FBXO16: variants seen among roughly 807,000 people sequenced by gnomAD.
FBXO16 encodes F-box only protein 16.
Under a neutral mutation model 41.0 loss-of-function variants are expected in FBXO16, and 31 were observed. The observed-to-expected ratio is 0.76, with a 90% CI of 0.57 to 1.02. The LOEUF is 1.02. FBXO16 is among the 50% of genes least tolerant of loss of function. FBXO16 has a pLI of 0.00. For synonymous variants in FBXO16, 133 were observed against 117.8 expected, an observed-to-expected ratio of 1.13 and a Z score of -0.84; for missense variants, 361 against 346.2, an observed-to-expected ratio of 1.04 and a Z score of -0.34.
chr8:28,458,544 C>CTTTTTTTTTTTTTTTT (rs34617439), intron 4 of FBXO16, among the ~76,000 whole-genome samples: 11 of 87,566 alleles, frequency 1.3e-4, no homozygotes, highest in African/African-American at 1.6e-4. Flanking sequence ...TCTTCTTCTT[C>CTTTTTTTTTTTTTTTT]TTTTTTTTTT....
chr8:28,477,592 C>T (rs544615579), intron 2 of FBXO16, among the ~76,000 whole-genome samples: 73 of 152,186 alleles, frequency 4.8e-4, no homozygotes, highest in African/African-American at 1.6e-3. Context: ...GTATAATATA[C>T]GATACATATT....
intron 3 of FBXO16, among the ~76,000 whole-genome samples, chr8:28,466,383 A>G (rs1226059424): frequency 6.6e-6 from 1 of 152,174 alleles, no homozygotes; most frequent in Non-Finnish European, 1.5e-5. Flanking sequence ...CCCTAAAATG[A>G]AAAAACAAAA....
chr8:28,468,848 GAAA>G (rs60077275), intron 3 of FBXO16, among the ~76,000 whole-genome samples: 2 of 133,032 alleles, frequency 1.5e-5, no homozygotes, highest in South Asian at 2.4e-4. Context: ...ACTCCATCTT[GAAA>G]AAAAAAAAAA....
At chr8:28,476,472 T>C (rs1563369500) in intron 2 of FBXO16, among the ~76,000 whole-genome samples, 2 of 152,248 alleles carry the variant, frequency 1.3e-5, no homozygotes, top group South Asian at 4.1e-4. Context: ...TTATACACCC[T>C]GGTTTGGAGC....
At chr8:28,476,382 G>A (rs1022009184) in intron 2 of FBXO16, among the ~76,000 whole-genome samples, 3 of 152,150 alleles carry the variant, frequency 2.0e-5, no homozygotes, top group Non-Finnish European at 4.4e-5. Context: ...CCTCAGATCT[G>A]GTTCTGACTC....
intron 1 of FBXO16, among the ~76,000 whole-genome samples, chr8:28,487,724 C>T (rs2130215297): frequency 6.6e-6 from 1 of 152,048 alleles, no homozygotes; most frequent in South Asian, 2.1e-4. Context: ...ACATACAAAA[C>T]ATAATTGTCC....
At chr8:28,436,588 ATAGG>A (rs1364253811) in intron 7 of FBXO16, among the ~76,000 whole-genome samples, 4 of 152,192 alleles carry the variant, frequency 2.6e-5, no homozygotes, top group African/African-American at 9.7e-5. Flanking sequence ...AGTAGGTGAA[ATAGG>A]TAGGGATGGT....
intron 5 of FBXO16, among the ~76,000 whole-genome samples, chr8:28,454,210 A>G (rs1173609340): frequency 6.6e-6 from 1 of 151,868 alleles, no homozygotes; most frequent in Admixed American, 6.6e-5. Context: ...AAGACATTTC[A>G]TATTTACATA....
chr8:28,449,493 AT>A (rs1802918622), intron 6 of FBXO16, among the ~76,000 whole-genome samples: 1 of 151,686 alleles, frequency 6.6e-6, no homozygotes, highest in Middle Eastern at 3.4e-3. Flanking sequence ...GGCTAATTTT[AT>A]TTTATTTTTA....
intron 2 of FBXO16, among the ~76,000 whole-genome samples, chr8:28,478,843 T>C (rs1281545249): frequency 2.9e-5 from 4 of 138,654 alleles, no homozygotes; most frequent in East Asian, 4.0e-4. Context: ...AAAAAAAAAA[T>C]TGTAATCCCC....
chr8:28,447,592 CAAG>C, intron 6 of FBXO16: 1 of 251,400 alleles, frequency 4.0e-6, no homozygotes. Context: ...CCATTCCTTT[CAAG>C]AAGAAGGTAT....
At position 28,474,352 on chromosome 8, in the gene FBXO16, A is replaced by AAG. The variant is rs1554528220; in HGVS notation, c.100-547_100-546dup. 5.4e-3 allele frequency among the ~76,000 whole-genome samples: 696 copies of AAG among 127,920 alleles called. 66 individuals carry two copies. The highest frequency in any genetic ancestry group is 7.0e-3 in the African/African-American group (233 of 33,060). 83.9% of individuals were successfully genotyped at this position (127,920 alleles called of 152,430 possible). The stretch of plus-strand genomic sequence containing the variant: ...AAAAAAAAAAAAAAAAAAAAAAAAA[A>AAG]AGAGAGAGAAAGAAGAAAAGAAAAA... On this transcript the variant is annotated intron_variant, in intron 2 of 8. Coordinates refer to ENST00000380254, the MANE Select transcript of FBXO16 (RefSeq NM_172366.4).
intron 7 of FBXO16, among the ~76,000 whole-genome samples, chr8:28,439,831 T>C (rs1189674251): frequency 6.9e-6 from 1 of 145,862 alleles, no homozygotes; most frequent in African/African-American, 2.6e-5. Context: ...TATCAAAGAT[T>C]GCCTGCAAGG....
At chr8:28,440,592 A>T (rs1029622600) in intron 7 of FBXO16, among the ~76,000 whole-genome samples, 1 of 152,166 alleles carries the variant, frequency 6.6e-6, no homozygotes, top group East Asian at 1.9e-4. Flanking sequence ...GAAGGAAAAA[A>T]GGTGAGAAAG....
At chr8:28,467,130 G>A (rs182863778) in intron 3 of FBXO16, among the ~76,000 whole-genome samples, 16 of 152,174 alleles carry the variant, frequency 1.1e-4, no homozygotes, top group African/African-American at 3.9e-4. Flanking sequence ...TTTGGGCAGT[G>A]CTATGTGAGT....
chr8:28,441,656 A>G (rs1228924659), intron 7 of FBXO16, among the ~76,000 whole-genome samples: 9 of 150,982 alleles, frequency 6.0e-5, no homozygotes, highest in Non-Finnish European at 1.3e-4. Context: ...GAATCGCTTG[A>G]ACCTGGGAGG....
Position 28,463,787 on chromosome 8 carries a change from C to A in FBXO16, c.167G>T (p.Arg56Ile). The A allele has an allele frequency of 6.2e-7, 1 of 1,613,946 alleles. No homozygotes were observed. Residue 56 changes from arginine (R) to isoleucine (I), a missense_variant, in exon 4 of 9, where the codon AGA (arginine) becomes ATA (isoleucine). Coordinates refer to ENST00000380254, the MANE Select transcript of FBXO16 (RefSeq NM_172366.4). Reference protein sequence around the residue: ...FDKWTDSQRRRILTGLLERCS... With the variant: ...FDKWTDSQRRIILTGLLERCS... ...GCGCTCCAACAGGCCTGTGAGGATT[C>A]TTCTTCTTTGAGAGTCTGTCCATTT... is the stretch of plus-strand genomic sequence containing the variant.
chr8:28,438,899 A>G, intron 7 of FBXO16, among the ~76,000 whole-genome samples: 1 of 152,028 alleles, frequency 6.6e-6, no homozygotes, highest in Non-Finnish European at 1.5e-5. Flanking sequence ...CAGGAGTTTG[A>G]GACCAGACTA....
At chr8:28,462,907 T>C (rs749468931) in intron 4 of FBXO16, among the ~76,000 whole-genome samples, 1 of 152,232 alleles carries the variant, frequency 6.6e-6, no homozygotes, top group African/African-American at 2.4e-5. Context: ...TGCTCTACAA[T>C]TGAGGACCTT....
Sources: gnomAD v4.1 joint callset for allele counts (sites outside exome capture counted in the v4.1 genomes callset) on GRCh38, gnomAD v4.1.1 for gene constraint, MANE v1.5 for transcripts, NCBI Gene and HGNC (gene_info 2026-07-23, HGNC 2026-07-21) for gene names.